The following KLHDC7B variants were observed in gnomAD, a reference collection of about 807,000 sequenced individuals.
KLHDC7B encodes the protein kelch domain-containing protein 7B.
KLHDC7B carries 1 observed loss-of-function variant against 0.6 expected under a neutral mutation model. That is an observed-to-expected ratio of 1.71 (90% confidence interval 0.61 to 8.11). The LOEUF (loss-of-function observed/expected upper bound fraction) is 8.11, where lower values mean the gene tolerates loss of function less well. Ranked by LOEUF, KLHDC7B falls within the 30% of genes most tolerant of loss-of-function variation. KLHDC7B has a pLI of 0.13. For missense variants in KLHDC7B, 993 were observed against 894.9 expected, an observed-to-expected ratio of 1.11 and a Z score of -1.40; for synonymous variants, 462 against 405.2, an observed-to-expected ratio of 1.14 and a Z score of -1.68.
In KLHDC7B at chr22:50,547,611, A is replaced by G; in HGVS notation, c.1368A>G (p.Glu456=). The change falls in exon 1 of 1, where the codon GAA becomes GAG. Residue 456 remains glutamate, a synonymous_variant. Coordinates refer to ENST00000648057, the MANE Select transcript of KLHDC7B (RefSeq NM_138433.5). ...TTACCCAGGATCCTTCCGTGGGCGA[A>G]AATCTCAGAGCGGCGCCAGCCCCAA... is the stretch of plus-strand genomic sequence containing the variant. ...LEVTQDPSVG[E]NLRAAPAPSS... is the part of the protein sequence containing the mutation. 2.5e-6 allele frequency: 1 copy of G among 401,878 alleles called. No homozygotes were observed. Among genetic ancestry groups the G allele is most frequent in the South Asian group, 1.2e-4 (1 of 8,606 alleles). 24.9% of individuals were successfully genotyped at this position (401,878 alleles called of 1,614,324 possible).
chr22:50,548,295 T>C lies in KLHDC7B; in HGVS notation c.2052T>C (p.Ser684=). 6.4e-7 allele frequency: 1 copy of C among 1,550,996 alleles called. No individual in the cohort carries two copies. Among genetic ancestry groups the C allele is most frequent in the Non-Finnish European group, 8.7e-7 (1 of 1,146,926 alleles). The change falls in exon 1 of 1, where the codon TCT becomes TCC. Residue 684 remains serine, a synonymous_variant. Coordinates refer to ENST00000648057, the MANE Select transcript of KLHDC7B (RefSeq NM_138433.5). The surrounding 1 kb of genome is among the most constrained non-coding windows in gnomAD (Gnocchi z 5.3). ...CTGAGGACAGACACGGCCCCTCTTC[T>C]TCAGTGGGGACAGTCATAGGGACAG... ...THSEDRHGPS[S]SVGTVIGTGT... is the part of the protein sequence containing the mutation.
At position 50,548,931 on chromosome 22, in the gene KLHDC7B, A is replaced by T. The variant is rs772381870; in HGVS notation, c.2688A>T (p.Gly896=). ...GCGACAACCTGCTGCGAGTGCTGGGAGACCCGTGCCTCTACCGCCGGCTGA... is the reference window on the plus strand; with the variant it reads ...GCGACAACCTGCTGCGAGTGCTGGGTGACCCGTGCCTCTACCGCCGGCTGA... ...LMSDNLLRVL[G]DPCLYRRLSA... Residue 896 remains glycine, a synonymous_variant, in exon 1 of 1, where the codon GGA becomes GGT. Transcript: ENST00000648057. The surrounding 1 kb of genome is among the most constrained non-coding windows in gnomAD (Gnocchi z 5.3). The T allele has an allele frequency of 1.3e-6, 2 of 1,597,416 alleles. No homozygotes were observed. Among genetic ancestry groups the T allele is most frequent in the Non-Finnish European group, 1.7e-6 (2 of 1,173,514 alleles).
At position 50,548,876 on chromosome 22, in the gene KLHDC7B, G is replaced by T. The variant is rs2069767651; in HGVS notation, c.2633G>T (p.Gly878Val). 15 of 1,568,216 alleles carry T rather than the reference G, an allele frequency of 9.6e-6. No individual in the cohort carries two copies. The highest frequency in any genetic ancestry group is 1.3e-5 in the Non-Finnish European group (15 of 1,159,232). The change falls in exon 1 of 1, where the codon GGC (glycine) becomes GTC (valine). Residue 878 changes from glycine to valine, a missense_variant. Physicochemically the swap from Gly to Val is moderately radical, Grantham distance 109 (BLOSUM62 -3). Coordinates refer to ENST00000648057, the MANE Select transcript of KLHDC7B (RefSeq NM_138433.5). This position sits in a 1 kb window ranked among gnomAD's most constrained non-coding sequence, Gnocchi z 5.3. ...TTTGCCCAGCAGCACGGAGAGCCCG[G>T]CCTGGCGCAGGAGACCTACGCGCTG... ...LAFAQQHGEPGLAQETYALMS... is the reference protein window; with the variant it reads ...LAFAQQHGEPVLAQETYALMS...
chr22:50,548,853 T>C lies in KLHDC7B; in HGVS notation c.2610T>C (p.Phe870=). The part of the protein sequence containing the change: ...DLGSCLDVLA[F]AQQHGEPGLA... The stretch of plus-strand genomic sequence containing the variant: ...GCAGTTGCCTGGACGTGCTGGCCTT[T>C]GCCCAGCAGCACGGAGAGCCCGGCC... The change falls in exon 1 of 1, where the codon TTT becomes TTC. Residue 870 remains phenylalanine (F), a synonymous_variant. Coordinates refer to ENST00000648057, the MANE Select transcript of KLHDC7B (RefSeq NM_138433.5). The surrounding 1 kb of genome is among the most constrained non-coding windows in gnomAD (Gnocchi z 5.3). The C allele has an allele frequency of 6.4e-7, 1 of 1,554,340 alleles. No homozygotes were observed. The highest frequency in any genetic ancestry group is 8.7e-7 in the Non-Finnish European group (1 of 1,152,910).
Position 50,550,178 on chromosome 22 carries a change from T to G in KLHDC7B, c.*227T>G, listed in dbSNP as rs1351794305. 2 of 501,526 alleles carry G rather than the reference T, an allele frequency of 4.0e-6. No homozygotes were observed. The highest frequency in any genetic ancestry group is 3.9e-5 in the African/African-American group (2 of 50,774). 31.1% of individuals were successfully genotyped at this position (501,526 alleles called of 1,614,324 possible). ...CACCCAGACTGTTTCCTGACTCAAT[T>G]CCGTACCTACTTACAGACCCTCTCA... On this transcript the variant is annotated 3_prime_UTR_variant, in exon 1 of 1. Transcript: ENST00000648057.
In KLHDC7B at chr22:50,546,204, C is replaced by T. The variant is rs958223172; in HGVS notation, c.-40C>T. On this transcript the variant is annotated 5_prime_UTR_variant, in exon 1 of 1. Coordinates refer to ENST00000648057, the MANE Select transcript of KLHDC7B (RefSeq NM_138433.5). ...CCCAGGCCTCTGTGCTCTGCATGCA[C>T]TGCCAGCCTGCCATCAGGCCTCTAT... Among the ~76,000 whole-genome samples, 3 of 152,234 alleles carry T rather than the reference C, an allele frequency of 2.0e-5. No homozygotes were observed. Among genetic ancestry groups the T allele is most frequent in the Non-Finnish European group, 4.4e-5 (3 of 68,040 alleles).
Position 50,547,029 on chromosome 22 carries a change from G to C in KLHDC7B, c.786G>C (p.Ala262=), listed in dbSNP as rs2069737429. 1.3e-5 allele frequency among the ~76,000 whole-genome samples: 2 copies of C among 151,522 alleles called. No homozygotes were observed. Among genetic ancestry groups the C allele is most frequent in the South Asian group, 2.1e-4 (1 of 4,830 alleles). Residue 262 remains alanine, a synonymous_variant, in exon 1 of 1, where the codon GCG becomes GCC. Coordinates refer to ENST00000648057, the MANE Select transcript of KLHDC7B (RefSeq NM_138433.5). ...GCGCCGCGGGGAGCGTGTGGGACGC[G>C]GTGGACGGGGCCGCCGCCCTGGACG... ...RLGAAGSVWD[A]VDGAAALDAH...
chr22:50,549,143 A>G lies in KLHDC7B; in HGVS notation c.2900A>G (p.Asn967Ser). The G allele has an allele frequency of 6.2e-7, 1 of 1,603,278 alleles. No homozygotes were observed. Among genetic ancestry groups the G allele is most frequent in the Non-Finnish European group, 8.5e-7 (1 of 1,179,696 alleles). The change falls in exon 1 of 1, where the codon AAC (asparagine) becomes AGC (serine). Residue 967 changes from asparagine (N) to serine (S), a missense_variant. Transcript: ENST00000648057. Reference sequence around the variant, plus strand: ...CTACCTGCGCACCTGCATGTGTTCAACCCCCGGGAGAACACCTGGCGGCCC... The same window carrying G: ...CTACCTGCGCACCTGCATGTGTTCAGCCCCCGGGAGAACACCTGGCGGCCC... Reference protein sequence around the residue: ...LPLPAHLHVFNPRENTWRPLT... With the variant: ...LPLPAHLHVFSPRENTWRPLT...
At position 50,549,717 on chromosome 22, in the gene KLHDC7B, C is replaced by T. The variant is rs1417050857; in HGVS notation, c.3474C>T (p.Ser1158=). Residue 1158 remains serine, a synonymous_variant, in exon 1 of 1, where the codon TCC becomes TCT. Coordinates refer to ENST00000648057, the MANE Select transcript of KLHDC7B (RefSeq NM_138433.5). ...AVMRYNTVTG[S]WSRAASLPLP... Reference sequence around the variant, plus strand: ...TGCGCTACAACACAGTGACCGGCTCCTGGAGCAGGGCTGCCTCCCTGCCCC... The same window carrying T: ...TGCGCTACAACACAGTGACCGGCTCTTGGAGCAGGGCTGCCTCCCTGCCCC... 2.5e-6 allele frequency: 4 copies of T among 1,585,456 alleles called. No individual in the cohort carries two copies. Among genetic ancestry groups the T allele is most frequent in the Admixed American group, 3.4e-5 (2 of 58,346 alleles).
Position 50,549,744 on chromosome 22 carries a change from G to GGGCCCC in KLHDC7B, c.3501_3502insGGCCCC (p.Leu1167_Pro1168insGlyPro). ...GGAGCAGGGCTGCCTCCCTGCCCCT[G>GGGCCCC]CCCGCCCCCGCCCCACTGCACTGCA... is the stretch of plus-strand genomic sequence containing the variant. On this transcript the variant is annotated inframe_insertion, in exon 1 of 1. Transcript: ENST00000648057. The GGGCCCC allele has an allele frequency of 1.3e-6, 2 of 1,554,548 alleles. No homozygotes were observed. The highest frequency in any genetic ancestry group is 1.7e-6 in the Non-Finnish European group (2 of 1,152,368).
At position 50,546,905 on chromosome 22, in the gene KLHDC7B, C is replaced by T. The variant is rs1002026267; in HGVS notation, c.662C>T (p.Ser221Leu). Among the ~76,000 whole-genome samples, 2 of 152,096 alleles carry T rather than the reference C, an allele frequency of 1.3e-5. No individual in the cohort carries two copies. The highest frequency in any genetic ancestry group is 2.9e-5 in the Non-Finnish European group (2 of 67,932). ...CCCTGGCAGGCGGGCGCGGGGCCCT[C>T]GGGCTCGATGGGGAGAGGCCGGGGC... ...TGPWQAGAGPSGSMGRGRGRR... is the reference protein window; with the variant it reads ...TGPWQAGAGPLGSMGRGRGRR... Residue 221 changes from serine (S) to leucine (L), a missense_variant, in exon 1 of 1, where the codon TCG becomes TTG. Transcript: ENST00000648057.
chr22:50,549,430 G>A lies in KLHDC7B; in HGVS notation c.3187G>A (p.Asp1063Asn), dbSNP rs557067928. 5 of 1,612,720 alleles carry A rather than the reference G, an allele frequency of 3.1e-6. No homozygotes were observed. In the East Asian group the frequency reaches 1.1e-4, roughly 36 times the overall value. The stretch of plus-strand genomic sequence containing the variant: ...ATGCCTGTACAGCATGGAGTGCTAC[G>A]ACCCGCGAACAGACGCCTGGACCCC... ...GECLYSMECY[D>N]PRTDAWTPRA... Residue 1063 changes from aspartate to asparagine, a missense_variant, in exon 1 of 1, where the codon GAC becomes AAC. Physicochemically the swap from Asp to Asn is conservative, Grantham distance 23. Transcript: ENST00000648057.
rs868434314 is a variant in KLHDC7B, at chr22:50,548,678, C to T, written c.2435C>T (p.Ala812Val). 2.0e-6 allele frequency: 3 copies of T among 1,519,334 alleles called. No individual in the cohort carries two copies. Among genetic ancestry groups the T allele is most frequent in the Admixed American group, 2.2e-5 (1 of 46,440 alleles). The allele number at this position is 1,519,334 out of a possible 1,614,324, so 94.1% of individuals were successfully genotyped here. ...EGGSPAGRSG[A>V]LTEKQEEARK... ...GGCAGCCCTGCCGGCCGCAGCGGGG[C>T]GCTCACGGAAAAGCAGGAGGAGGCC... The change falls in exon 1 of 1, where the codon GCG becomes GTG. Residue 812 changes from alanine (A) to valine (V), a missense_variant. Transcript: ENST00000648057. This position sits in a 1 kb window ranked among gnomAD's most constrained non-coding sequence, Gnocchi z 5.3.
In KLHDC7B at chr22:50,547,726, G is replaced by A. The variant is rs2069747073; in HGVS notation, c.1483G>A (p.Ala495Thr). The change falls in exon 1 of 1, where the codon GCC becomes ACC. Residue 495 changes from alanine to threonine, a missense_variant. Transcript: ENST00000648057. ...ATCCCCCAGCTCAGCACCAACCTCA[G>A]CCACCACCTCAACCTCATCCCCCAC... ...ASSPSSAPTS[A>T]TTSTSSPTSA... 4 of 469,772 alleles carry A rather than the reference G, an allele frequency of 8.5e-6. No homozygotes were observed. The East Asian group carries it at 1.0e-4, about 12-fold the overall frequency. The allele number at this position is 469,772 out of a possible 1,614,324, so 29.1% of individuals were successfully genotyped here.
chr22:50,549,656 G>A lies in KLHDC7B; in HGVS notation c.3413G>A (p.Arg1138His), dbSNP rs752754069. ...GTGGCACTGGGGGGCTTCCTGTACC[G>A]CTTCGACCTGCTGCGGGGCGTGGGC... ...DIVALGGFLYRFDLLRGVGAA... is the reference protein window; with the variant it reads ...DIVALGGFLYHFDLLRGVGAA... The change falls in exon 1 of 1, where the codon CGC becomes CAC. Residue 1138 changes from arginine to histidine, a missense_variant. Transcript: ENST00000648057. 9.6e-6 allele frequency: 15 copies of A among 1,556,640 alleles called. No individual in the cohort carries two copies. In the East Asian group the frequency reaches 1.1e-4, roughly 12 times the overall value.
At position 50,547,192 on chromosome 22, in the gene KLHDC7B, T is replaced by A. The variant is rs1407373313; in HGVS notation, c.949T>A (p.Ser317Thr). 6.6e-6 allele frequency among the ~76,000 whole-genome samples: 1 copy of A among 151,664 alleles called. No homozygotes were observed. The highest frequency in any genetic ancestry group is 2.4e-5 in the African/African-American group (1 of 41,296). The change falls in exon 1 of 1, where the codon TCG (serine) becomes ACG (threonine). Residue 317 changes from serine to threonine, a missense_variant. By Grantham distance (58) the Ser-to-Thr change is moderately conservative. Coordinates refer to ENST00000648057, the MANE Select transcript of KLHDC7B (RefSeq NM_138433.5). ...CAAGGGTGGCTGGAGCAGGGAGGCC[T>A]CGGGGGTCCCTGCCCCCGGAGGAGG... ...GAKGGWSREA[S>T]GVPAPGGGWP...
chr22:50,548,457 A>G lies in KLHDC7B; in HGVS notation c.2214A>G (p.Gln738=), dbSNP rs1160087389. ...TREKSLDPLP[Q]AAMPRGPAQP... Reference sequence around the variant, plus strand: ...AGAAAAGTCTAGACCCGCTGCCCCAAGCCGCGATGCCCAGGGGCCCCGCAC... The same window carrying G: ...AGAAAAGTCTAGACCCGCTGCCCCAGGCCGCGATGCCCAGGGGCCCCGCAC... The change falls in exon 1 of 1, where the codon CAA becomes CAG. Residue 738 remains glutamine, a synonymous_variant. Transcript: ENST00000648057. The surrounding 1 kb of genome is among the most constrained non-coding windows in gnomAD (Gnocchi z 5.3). 1 of 1,579,764 alleles carries G rather than the reference A, an allele frequency of 6.3e-7. No homozygotes were observed. Among genetic ancestry groups the G allele is most frequent in the East Asian group, 2.3e-5 (1 of 43,636 alleles).
In KLHDC7B at chr22:50,549,846, G is replaced by C; in HGVS notation, c.3603G>C (p.Gln1201His). 1.9e-6 allele frequency: 3 copies of C among 1,584,254 alleles called. No homozygotes were observed. The highest frequency in any genetic ancestry group is 2.6e-6 in the Non-Finnish European group (3 of 1,164,836). Residue 1201 changes from glutamine (Q) to histidine (H), a missense_variant, in exon 1 of 1, where the codon CAG becomes CAC. Gln to His is a conservative substitution (Grantham distance 24, BLOSUM62 0). Transcript: ENST00000648057. ...TCACGGTCTCTGGGGGGACTGCCCA[G>C]TTCCAGGCCAAGGAGCTGCAGCCCT... is the stretch of plus-strand genomic sequence containing the variant. ...ATFTVSGGTA[Q>H]FQAKELQPFP...
In KLHDC7B at chr22:50,548,405, C is replaced by T. The variant is rs749686486; in HGVS notation, c.2162C>T (p.Pro721Leu). Residue 721 changes from proline to leucine, a missense_variant, in exon 1 of 1, where the codon CCA (proline) becomes CTA (leucine). Coordinates refer to ENST00000648057, the MANE Select transcript of KLHDC7B (RefSeq NM_138433.5). The surrounding 1 kb of genome is among the most constrained non-coding windows in gnomAD (Gnocchi z 5.3). ...TNGSPSPDPPPGLRGEGTREK... is the reference protein window; with the variant it reads ...TNGSPSPDPPLGLRGEGTREK... Reference sequence around the variant, plus strand: ...GGATCGCCCAGCCCAGACCCTCCCCCAGGCCTAAGAGGAGAGGGAACCAGG... The same window carrying T: ...GGATCGCCCAGCCCAGACCCTCCCCTAGGCCTAAGAGGAGAGGGAACCAGG... 6.4e-7 allele frequency: 1 copy of T among 1,559,538 alleles called. No homozygotes were observed. Among genetic ancestry groups the T allele is most frequent in the Non-Finnish European group, 8.7e-7 (1 of 1,151,474 alleles).
Sources: gnomAD v4.1 joint callset for allele counts (sites outside exome capture counted in the v4.1 genomes callset) on GRCh38, gnomAD v4.1.1 for gene constraint, Gnocchi (gnomAD v3.1) non-coding constraint, MANE v1.5 for transcripts, NCBI Gene and HGNC (gene_info 2026-07-23, HGNC 2026-07-21) for gene names.